The following GATA6 variants were observed in gnomAD, a reference collection of about 807,000 sequenced individuals.
GATA6 encodes the protein GATA binding protein 6, also known as transcription factor GATA-6.
GATA6 carries 11 observed loss-of-function variants against 48.1 expected under a neutral mutation model. The ratio of observed to expected loss-of-function variants is 0.23; its 90% CI spans 0.14 to 0.38. The LOEUF is 0.38. Among genes scored for constraint, GATA6 ranks in the 10% least tolerant of loss-of-function variants. The pLI is 1.00. For missense variants in GATA6, 795 were observed against 850.3 expected, an observed-to-expected ratio of 0.93 and a Z score of 0.81; for synonymous variants, 419 against 396.1, an observed-to-expected ratio of 1.06 and a Z score of -0.69.
Position 22,171,360 on chromosome 18 carries a change from AC to A in GATA6, c.221del (p.Pro74ArgfsTer63). On this transcript the variant is annotated frameshift_variant, in exon 2 of 7. Transcript: ENST00000269216. LOFTEE classifies it high-confidence loss of function. This position sits in a 1 kb window ranked among gnomAD's most constrained non-coding sequence, Gnocchi z 7.1. ...AGCTCGACACGGAGGCGGCGGCCGG[AC>A]CCCCGGCCCGCTCGCTGCTGCTCAG... is the stretch of plus-strand genomic sequence containing the variant. ...PQLDTEAAAG[P>X]PARSLLLSSY... The A allele has an allele frequency of 3.2e-6, 5 of 1,581,284 alleles. No individual in the cohort carries two copies. The highest frequency in any genetic ancestry group is 3.4e-6 in the Non-Finnish European group (4 of 1,171,648).
At chr18:22,190,715 C>T (rs903991020) in intron 6 of GATA6, among the ~76,000 whole-genome samples, 1 of 152,206 alleles carries the variant, frequency 6.6e-6, no homozygotes, top group African/African-American at 2.4e-5. Context: ...TCTCCTGCCT[C>T]CCAGTCCAGG....
intron 3 of GATA6, among the ~76,000 whole-genome samples, chr18:22,178,842 CA>C (rs1682757486): frequency 2.0e-5 from 3 of 152,152 alleles, no homozygotes; most frequent in African/African-American, 7.2e-5. Context: ...TCCTTGTTTT[CA>C]TATAATAGAC....
intron 2 of GATA6, among the ~76,000 whole-genome samples, chr18:22,174,529 G>C (rs906959479): frequency 2.0e-5 from 3 of 146,350 alleles, no homozygotes; most frequent in African/African-American, 8.3e-5. Context: ...ATTTTTTTAA[G>C]TATTTTTTTA....
intron 6 of GATA6, among the ~76,000 whole-genome samples, chr18:22,186,953 G>C (rs1234970937): frequency 6.6e-6 from 1 of 152,170 alleles, no homozygotes; most frequent in East Asian, 1.9e-4. Context: ...CACAGGGAGG[G>C]CAGTGTGTTT....
chr18:22,201,043 G>A lies in GATA6; in HGVS notation c.*220G>A. 1 of 623,260 alleles carries A rather than the reference G, an allele frequency of 1.6e-6. No individual in the cohort carries two copies. Among genetic ancestry groups the A allele is most frequent in the Non-Finnish European group, 2.8e-6 (1 of 361,666 alleles). The allele number at this position is 623,260 out of a possible 1,614,324, so 38.6% of individuals were successfully genotyped here. Reference sequence around the variant, plus strand: ...CTGGGCGCTTGGGCCACTCCAGCCAGCCCGCCTCCGGGGCGGACCCTGCTC... The same window carrying A: ...CTGGGCGCTTGGGCCACTCCAGCCAACCCGCCTCCGGGGCGGACCCTGCTC... On this transcript the variant is annotated 3_prime_UTR_variant, in exon 7 of 7. Coordinates refer to ENST00000269216, the MANE Select transcript of GATA6 (RefSeq NM_005257.6).
rs2033252580 is a variant in GATA6 at position 22,185,525 on chromosome 18, T to C, written c.1620+2482T>C. Among the ~76,000 whole-genome samples, 1 of 152,148 alleles carries C rather than the reference T, an allele frequency of 6.6e-6. No individual in the cohort carries two copies. The highest frequency in any genetic ancestry group is 2.1e-4 in the South Asian group (1 of 4,822). On this transcript the variant is annotated intron_variant, in intron 6 of 6. Coordinates refer to ENST00000269216, the MANE Select transcript of GATA6 (RefSeq NM_005257.6). This position sits in a 1 kb window ranked among gnomAD's most constrained non-coding sequence, Gnocchi z 4.3. ...TGACTGCCATTACCAGGGCAGGGGGTAGGGTTGCTGGCCTGCCTACCAACC... is the reference window on the plus strand; with the variant it reads ...TGACTGCCATTACCAGGGCAGGGGGCAGGGTTGCTGGCCTGCCTACCAACC...
chr18:22,181,574 A>G lies in GATA6; in HGVS notation c.1424A>G (p.His475Arg). Residue 475 changes from histidine to arginine, a missense_variant, in exon 4 of 7, where the codon CAT becomes CGT. Around this residue, in one of 5 missense-constraint regions of GATA6, gnomAD observed 1 missense variants for 20.0 expected, o/e 0.05. Coordinates refer to ENST00000269216, the MANE Select transcript of GATA6 (RefSeq NM_005257.6). ...CNACGLYMKL[H>R]GVPRPLAMKK... ...GCTTGTGGACTCTACATGAAACTCC[A>G]TGGGGTATGCCATGTATTCTGCTCA... is the stretch of plus-strand genomic sequence containing the variant. 1 of 1,614,138 alleles carries G rather than the reference A, an allele frequency of 6.2e-7. No homozygotes were observed. Among genetic ancestry groups the G allele is most frequent in the Non-Finnish European group, 8.5e-7 (1 of 1,179,988 alleles).
chr18:22,198,032 G>T (rs1239510017), intron 6 of GATA6, among the ~76,000 whole-genome samples: 3 of 151,604 alleles, frequency 2.0e-5, no homozygotes, highest in Non-Finnish European at 4.4e-5. Flanking sequence ...CTGGCTGTCA[G>T]TTGTTGCTTT....
At position 22,171,148 on chromosome 18, in the gene GATA6, G is replaced by A; in HGVS notation, c.4G>A (p.Ala2Thr). 1 of 1,600,102 alleles carries A rather than the reference G, an allele frequency of 6.2e-7. No individual in the cohort carries two copies. Among genetic ancestry groups the A allele is most frequent in the Non-Finnish European group, 8.5e-7 (1 of 1,179,588 alleles). The change falls in exon 2 of 7, where the codon GCC (alanine) becomes ACC (threonine). Residue 2 changes from alanine to threonine, a missense_variant. Ala to Thr is a moderately conservative substitution (Grantham distance 58, BLOSUM62 0). Coordinates refer to ENST00000269216, the MANE Select transcript of GATA6 (RefSeq NM_005257.6). The surrounding 1 kb of genome is among the most constrained non-coding windows in gnomAD (Gnocchi z 7.1). Reference sequence around the variant, plus strand: ...TTGGAGCGGCGCCGGACCGTGGATGGCCTTGACTGACGGCGGCTGGTGCTT... The same window carrying A: ...TTGGAGCGGCGCCGGACCGTGGATGACCTTGACTGACGGCGGCTGGTGCTT... M[A>T]LTDGGWCLPK...
chr18:22,191,033 G>A (rs1296382531), intron 6 of GATA6, among the ~76,000 whole-genome samples: 1 of 10,956 alleles, frequency 9.1e-5, no homozygotes, highest in Non-Finnish European at 1.8e-4. Flanking sequence ...TTTAAATCTC[G>A]TGTGTGTGTG....
intron 6 of GATA6, among the ~76,000 whole-genome samples, chr18:22,191,947 T>C (rs2033332209): frequency 6.6e-6 from 1 of 152,248 alleles, no homozygotes; most frequent in Non-Finnish European, 1.5e-5. Flanking sequence ...CCTGTTTTGG[T>C]TGTTGGCCTG....
rs1356985411 is a variant in GATA6, at chr18:22,172,176, A to G, written c.1032A>G (p.Pro344=). 3 of 1,376,692 alleles carry G rather than the reference A, an allele frequency of 2.2e-6. No individual in the cohort carries two copies. In the African/African-American group the frequency reaches 4.5e-5, roughly 21 times the overall value. 85.3% of individuals were successfully genotyped at this position (1,376,692 alleles called of 1,614,324 possible). A position where few individuals can be genotyped will look rare whatever the true frequency, so the allele number is the denominator to read the frequency against. ...CCTACTCGCCCTACGTGGGGGCGCC[A>G]CTGACGCCTGCCTGGCCCGCCGGAC... ...PSPYSPYVGA[P]LTPAWPAGPF... is the part of the protein sequence containing the mutation. Residue 344 remains proline, a synonymous_variant, in exon 2 of 7, where the codon CCA becomes CCG. Transcript: ENST00000269216. The surrounding 1 kb of genome is among the most constrained non-coding windows in gnomAD (Gnocchi z 5.2).
In GATA6 at chr18:22,185,463, C is replaced by T. The variant is rs1020834589; in HGVS notation, c.1620+2420C>T. Among the ~76,000 whole-genome samples, 5 of 152,228 alleles carry T rather than the reference C, an allele frequency of 3.3e-5. No homozygotes were observed. The highest frequency in any genetic ancestry group is 1.3e-4 in the Admixed American group (2 of 15,286). ...GAGCTGCAGCCAGGGGGCATCTCTC[C>T]GAGCTCTCCAGCCTCTGGGCTGCGC... On this transcript the variant is annotated intron_variant, in intron 6 of 6. Transcript: ENST00000269216. The surrounding 1 kb of genome is among the most constrained non-coding windows in gnomAD (Gnocchi z 4.3).
chr18:22,178,671 T>C (rs1236877574), intron 3 of GATA6, among the ~76,000 whole-genome samples: 4 of 152,260 alleles, frequency 2.6e-5, no homozygotes, highest in Non-Finnish European at 1.5e-5. Context: ...GAGGTTAATT[T>C]AATGAGTGTA....
intron 6 of GATA6, among the ~76,000 whole-genome samples, chr18:22,188,958 G>A (rs2033296421): frequency 6.6e-6 from 1 of 152,186 alleles, no homozygotes; most frequent in Non-Finnish European, 1.5e-5. Flanking sequence ...CCTTTGTGGG[G>A]CATTGCTGGT....
At position 22,170,476 on chromosome 18, in the gene GATA6, T is replaced by C. The variant is rs1277157059; in HGVS notation, c.-37-632T>C. On this transcript the variant is annotated intron_variant, in intron 1 of 6. Coordinates refer to ENST00000269216, the MANE Select transcript of GATA6 (RefSeq NM_005257.6). This position sits in a 1 kb window ranked among gnomAD's most constrained non-coding sequence, Gnocchi z 6.7. Reference sequence around the variant, plus strand: ...CCCCGCCCTGGCGTCCCACTTTCCCTGGGCCGAGTTGCATTTCTCTCTGGG... The same window carrying C: ...CCCCGCCCTGGCGTCCCACTTTCCCCGGGCCGAGTTGCATTTCTCTCTGGG... 6.6e-6 allele frequency among the ~76,000 whole-genome samples: 1 copy of C among 152,180 alleles called. No individual in the cohort carries two copies. The highest frequency in any genetic ancestry group is 1.5e-5 in the Non-Finnish European group (1 of 68,026).
intron 6 of GATA6, among the ~76,000 whole-genome samples, chr18:22,194,991 C>T (rs998763375): frequency 6.6e-6 from 1 of 152,074 alleles, no homozygotes; most frequent in African/African-American, 2.4e-5. Context: ...TATGGTGAAA[C>T]CCTAACTCTA....
intron 2 of GATA6, 87 bp from the exon 3 acceptor site, chr18:22,176,868 G>C: frequency 2.8e-6 from 4 of 1,441,438 alleles, no homozygotes; most frequent in Non-Finnish European, 2.7e-6. Flanking sequence ...CGGGCACCGG[G>C]GCTGGGGGCC....
chr18:22,184,555 C>T (rs902049018), intron 6 of GATA6, among the ~76,000 whole-genome samples: 2 of 151,806 alleles, frequency 1.3e-5, no homozygotes, highest in Non-Finnish European at 2.9e-5. Context: ...TGTGCAGTGG[C>T]GCAATCTCGG....
Sources: allele counts gnomAD v4.1 joint callset (sites outside exome capture counted in the v4.1 genomes callset), GRCh38; gene constraint gnomAD v4.1.1; regional missense constraint gnomAD v4.1.1; non-coding constraint Gnocchi (gnomAD v3.1); transcripts MANE v1.5; gene names NCBI Gene and HGNC (gene_info 2026-07-23, HGNC 2026-07-21).